Variants in SLC39A6 observed in about 807,000 individuals in gnomAD.
SLC39A6 encodes zinc transporter ZIP6.
SLC39A6 carries 51 observed loss-of-function variants against 63.5 expected under a neutral mutation model. The observed-to-expected ratio is 0.80, with a 90% CI of 0.64 to 1.01. SLC39A6 has a LOEUF of 1.01. Ranked by LOEUF, SLC39A6 falls within the 50% of genes least tolerant of loss-of-function variation. The pLI is 0.00. For synonymous variants in SLC39A6, 318 were observed against 324.7 expected, an observed-to-expected ratio of 0.98 and a Z score of 0.22; for missense variants, 805 against 927.8, an observed-to-expected ratio of 0.87 and a Z score of 1.72.
chr18:36,119,905 AAAAAGAAAAAAAAAGAAAAG>A (rs1310640288), intron 5 of SLC39A6, among the ~76,000 whole-genome samples: 3 of 152,040 alleles, frequency 2.0e-5, no homozygotes, highest in African/African-American at 4.8e-5. Flanking sequence ...GTTTTCTTAA[AAAAAGAAAAAAAAAGAAAAG>A]CTGTATTTAG....
chr18:36,121,862 C>T (rs1433057656), intron 5 of SLC39A6, among the ~76,000 whole-genome samples, 190 bp downstream of exon 5: 2 of 152,146 alleles, frequency 1.3e-5, no homozygotes, highest in African/African-American at 4.8e-5. Flanking sequence ...AGACAGAAAA[C>T]TTCAGAGCTA....
chr18:36,126,672 T>C lies in SLC39A6; in HGVS notation c.336A>G (p.Ser112=), dbSNP rs1345350223. The C allele has an allele frequency of 6.2e-7, 1 of 1,602,306 alleles. No homozygotes were observed. Among genetic ancestry groups the C allele is most frequent in the South Asian group, 1.1e-5 (1 of 89,928 alleles). Reference sequence around the variant, plus strand: ...CGTGCTCTGAGTGATGCTCATGGTCTGAGTGACGCTCATGGTCTGAGTGAT... The same window carrying C: ...CGTGCTCTGAGTGATGCTCATGGTCCGAGTGACGCTCATGGTCTGAGTGAT... ...HEHHSDHERH[S]DHEHHSEHEH... is the part of the protein sequence containing the mutation. The change falls in exon 2 of 10, where the codon TCA becomes TCG. Residue 112 remains serine, a synonymous_variant. Coordinates refer to ENST00000269187, the MANE Select transcript of SLC39A6 (RefSeq NM_012319.4).
chr18:36,123,911 T>C (rs2155827), intron 3 of SLC39A6, among the ~76,000 whole-genome samples: 84,803 of 151,782 alleles, frequency 0.56, 24,101 homozygotes, highest in East Asian at 0.81. Flanking sequence ...AATGGGAAAT[T>C]CTTCAGGTCG....
chr18:36,116,081 T>C (rs1208706634), intron 6 of SLC39A6, among the ~76,000 whole-genome samples: 2 of 152,198 alleles, frequency 1.3e-5, no homozygotes, highest in African/African-American at 2.4e-5. Context: ...AATTGTACTC[T>C]GGAACAATAT....
Position 36,124,502 on chromosome 18 carries a change from T to C in SLC39A6, c.970+18A>G, listed in dbSNP as rs2089419407. 1 of 1,498,348 alleles carries C rather than the reference T, an allele frequency of 6.7e-7. No homozygotes were observed. The highest frequency in any genetic ancestry group is 9.1e-7 in the Non-Finnish European group (1 of 1,101,836). 92.8% of individuals were successfully genotyped at this position (1,498,348 alleles called of 1,614,324 possible). ...TGAATCTACTGAAATTGTTTTTACATAAAAAAGGCAATTTTACCTATTTGT... is the reference window on the plus strand; with the variant it reads ...TGAATCTACTGAAATTGTTTTTACACAAAAAAGGCAATTTTACCTATTTGT... On this transcript the variant is annotated intron_variant, in intron 3 of 9. Transcript: ENST00000269187.
In SLC39A6 at chr18:36,125,147, A is replaced by G. The variant is rs185829170; in HGVS notation, c.790-447T>C. 1.2e-4 allele frequency among the ~76,000 whole-genome samples: 19 copies of G among 152,322 alleles called. No individual in the cohort carries two copies. In the East Asian group the frequency reaches 3.7e-3, roughly 29 times the overall value. On this transcript the variant is annotated intron_variant, in intron 2 of 9. Coordinates refer to ENST00000269187, the MANE Select transcript of SLC39A6 (RefSeq NM_012319.4). ...CTCTTCTAGTAATGACTCTACTTGC[A>G]AAAACTCAGTTCTGTCTACATACCT...
chr18:36,111,737 G>A (rs753491376), intron 8 of SLC39A6, among the ~76,000 whole-genome samples: 11 of 152,130 alleles, frequency 7.2e-5, no homozygotes, highest in African/African-American at 1.4e-4. Context: ...CCCTTGCCCC[G>A]GCCTCCCGAA....
chr18:36,116,825 A>T, intron 5 of SLC39A6, 46 bp from the exon 6 acceptor site: 1 of 1,356,708 alleles, frequency 7.4e-7, no homozygotes, highest in Non-Finnish European at 1.0e-6. Context: ...TAATTTGTTT[A>T]TATGTACAGC....
At chr18:36,112,664 G>C in intron 7 of SLC39A6, 83 bp from the exon 8 acceptor site, 1 of 1,009,972 alleles carries the variant, frequency 9.9e-7, no homozygotes, top group Non-Finnish European at 1.6e-6. Context: ...GAGGTAACAA[G>C]AAAATGGTAT....
At chr18:36,116,921 C>T in intron 5 of SLC39A6, 142 bp from the exon 6 acceptor site, 1 of 613,812 alleles carries the variant, frequency 1.6e-6, no homozygotes, top group Non-Finnish European at 2.8e-6. Flanking sequence ...TAGCAGCACA[C>T]TATCTCCTGG....
rs780732184 is a variant in SLC39A6 at position 36,114,491 on chromosome 18, A to G, written c.1466-17T>C. 41 of 1,588,754 alleles carry G rather than the reference A, an allele frequency of 2.6e-5. No individual in the cohort carries two copies. The highest frequency in any genetic ancestry group is 3.3e-5 in the Non-Finnish European group (39 of 1,168,440). On this transcript the variant is annotated splice_polypyrimidine_tract_variant and intron_variant, in intron 6 of 9. Transcript: ENST00000269187. ...CTTCAGTTCCTAGGAATAAACATAA[A>G]GGGCATGGGGACAGTTAGAAGGCTT...
At chr18:36,122,008 T>C in intron 5 of SLC39A6, 44 bp downstream of exon 5, 1 of 1,394,758 alleles carries the variant, frequency 7.2e-7, no homozygotes, top group Non-Finnish European at 1.0e-6. Flanking sequence ...CTACTATAAA[T>C]AAATATCTGA....
At chr18:36,120,459 T>C (rs1345569067) in intron 5 of SLC39A6, among the ~76,000 whole-genome samples, 1 of 152,196 alleles carries the variant, frequency 6.6e-6, no homozygotes, top group Non-Finnish European at 1.5e-5. Context: ...TCAGTGAACG[T>C]AAAATCCCTA....
At position 36,109,519 on chromosome 18, in the gene SLC39A6, C is replaced by A. The variant is rs1460787818; in HGVS notation, c.*74G>T. 8.5e-7 allele frequency: 1 copy of A among 1,180,948 alleles called. No homozygotes were observed. The highest frequency in any genetic ancestry group is 1.4e-5 in the South Asian group (1 of 70,640). 73.2% of individuals were successfully genotyped at this position (1,180,948 alleles called of 1,614,324 possible). On this transcript the variant is annotated 3_prime_UTR_variant, in exon 10 of 10. Coordinates refer to ENST00000269187, the MANE Select transcript of SLC39A6 (RefSeq NM_012319.4). ...TAACTTTAAACGCTGCATAGTACAG[C>A]ATACAAACTCATCTCCCTATGACCT...
At chr18:36,113,452 T>C (rs1354250906) in intron 7 of SLC39A6, among the ~76,000 whole-genome samples, 1 of 152,066 alleles carries the variant, frequency 6.6e-6, no homozygotes, top group Non-Finnish European at 1.5e-5. Context: ...CATAATATAG[T>C]ACAAGAGGAA....
chr18:36,117,816 G>T (rs879298119), intron 5 of SLC39A6, among the ~76,000 whole-genome samples: 2 of 152,122 alleles, frequency 1.3e-5, no homozygotes, highest in Non-Finnish European at 1.5e-5. Context: ...CGGATCACAA[G>T]GTCAGGAGAT....
rs540840666 is a variant in SLC39A6 at position 36,109,272 on chromosome 18, G to A, written c.*321C>T. 58 of 170,218 alleles carry A rather than the reference G, an allele frequency of 3.4e-4. No homozygotes were observed. The highest frequency in any genetic ancestry group is 5.6e-4 in the Admixed American group (9 of 16,068). The allele number at this position is 170,218 out of a possible 1,614,324, so 10.5% of individuals were successfully genotyped here. On this transcript the variant is annotated 3_prime_UTR_variant, in exon 10 of 10. Coordinates refer to ENST00000269187, the MANE Select transcript of SLC39A6 (RefSeq NM_012319.4). ...CTTCAGAGACCTAAAATCCAGTATA[G>A]GAATAACTGTGTTAGTTCTTGAAAA...
rs986633074 is a variant in SLC39A6 at position 36,108,956 on chromosome 18, T to A, written c.*637A>T. The A allele has an allele frequency of 1.3e-5, 2 of 152,226 alleles. No homozygotes were observed. Among genetic ancestry groups the A allele is most frequent in the African/African-American group, 4.8e-5 (2 of 41,470 alleles). The allele number at this position is 152,226 out of a possible 1,614,324, so 9.4% of individuals were successfully genotyped here. A position where few individuals can be genotyped will look rare whatever the true frequency, so the allele number is the denominator to read the frequency against. On this transcript the variant is annotated 3_prime_UTR_variant, in exon 10 of 10. Transcript: ENST00000269187. ...ATTTAGATTTCTGTATTATACAAAG[T>A]TAAATGTACAACTAAATTAGTATAT...
intron 5 of SLC39A6, among the ~76,000 whole-genome samples, chr18:36,119,169 GAGT>G (rs957277751): frequency 2.0e-5 from 3 of 152,146 alleles, no homozygotes; most frequent in Non-Finnish European, 2.9e-5. Flanking sequence ...ACAATATAAT[GAGT>G]AGTAGTTTTC....
Sources: gnomAD v4.1 joint callset for allele counts (sites outside exome capture counted in the v4.1 genomes callset) on GRCh38, gnomAD v4.1.1 for gene constraint, MANE v1.5 for transcripts, NCBI Gene and HGNC (gene_info 2026-07-23, HGNC 2026-07-21) for gene names.